Variants in SIK3 observed in about 807,000 individuals in gnomAD.
SIK3 encodes the protein SIK family kinase 3, also known as serine/threonine-protein kinase SIK3.
In SIK3, 28 loss-of-function variants were observed where a neutral mutation model predicts 144.2. That is an observed-to-expected ratio of 0.19 (90% CI 0.14 to 0.27). The LOEUF is 0.27. Among genes scored for constraint, SIK3 ranks in the 10% least tolerant of loss-of-function variants. SIK3 has a pLI of 1.00. For missense variants in SIK3, 1,319 were observed against 1,776.0 expected, an observed-to-expected ratio of 0.74 and a Z score of 4.62; for synonymous variants, 686 against 676.3, an observed-to-expected ratio of 1.01 and a Z score of -0.22.
chr11:117,033,359 C>T (rs1199415684), intron 1 of SIK3, among the ~76,000 whole-genome samples: 1 of 152,108 alleles, frequency 6.6e-6, no homozygotes, highest in African/African-American at 2.4e-5. Flanking sequence ...CAATAACTTA[C>T]ATGTTTGTTG....
intron 1 of SIK3, among the ~76,000 whole-genome samples, chr11:116,993,741 A>G (rs1180532331): frequency 6.6e-6 from 1 of 152,228 alleles, no homozygotes; most frequent in Non-Finnish European, 1.5e-5. Flanking sequence ...GTAAAGAATG[A>G]GCGGAAAAAT....
At chr11:116,926,055 C>T in intron 4 of SIK3, among the ~76,000 whole-genome samples, 1 of 152,108 alleles carries the variant, frequency 6.6e-6, no homozygotes. Flanking sequence ...GCAAAGGTAC[C>T]CTTAGGTAAC....
At chr11:116,985,008 C>T (rs998722032) in intron 1 of SIK3, among the ~76,000 whole-genome samples, 6 of 152,108 alleles carry the variant, frequency 3.9e-5, no homozygotes, top group African/African-American at 1.4e-4. Context: ...GAAAAGTTTT[C>T]TATGTGTGAA....
chr11:117,067,823 C>T (rs1488337705), intron 1 of SIK3, among the ~76,000 whole-genome samples: 1 of 151,788 alleles, frequency 6.6e-6, no homozygotes, highest in Non-Finnish European at 1.5e-5. Context: ...CCCATCTCTA[C>T]TAAAAATACA....
chr11:117,072,291 G>A (rs1396278184), intron 1 of SIK3, among the ~76,000 whole-genome samples: 2 of 152,100 alleles, frequency 1.3e-5, no homozygotes, highest in Non-Finnish European at 2.9e-5. Flanking sequence ...GCGAGGCTGA[G>A]GTAGGAGAAT....
At chr11:117,076,128 T>C (rs623638) in intron 1 of SIK3, among the ~76,000 whole-genome samples, 20 of 151,862 alleles carry the variant, frequency 1.3e-4, no homozygotes, top group Non-Finnish European at 2.5e-4. Flanking sequence ...GGATTACAGG[T>C]GTGAGCCACT....
intron 1 of SIK3, among the ~76,000 whole-genome samples, chr11:117,029,581 G>A (rs1952167947): frequency 6.6e-6 from 1 of 152,070 alleles, no homozygotes; most frequent in Admixed American, 6.6e-5. Context: ...AAAAATATGA[G>A]GGCCTAAATT....
chr11:116,889,295 G>T (rs1027336095), intron 6 of SIK3, among the ~76,000 whole-genome samples: 1 of 152,210 alleles, frequency 6.6e-6, no homozygotes. Flanking sequence ...TGCGTATGCT[G>T]GCTTCTGCCC....
chr11:117,020,381 CAA>C (rs1329502938), intron 1 of SIK3, among the ~76,000 whole-genome samples: 2 of 151,906 alleles, frequency 1.3e-5, no homozygotes, highest in African/African-American at 4.8e-5. Context: ...GTGATAAAAG[CAA>C]AAGACAGTCT....
At chr11:116,875,047 A>C in intron 11 of SIK3, 111 bp downstream of exon 11, 1 of 780,538 alleles carries the variant, frequency 1.3e-6, no homozygotes, top group Non-Finnish European at 2.2e-6. Flanking sequence ...CCACTGGATT[A>C]GATCTCCTCT....
At chr11:117,018,031 T>C (rs1038020828) in intron 1 of SIK3, among the ~76,000 whole-genome samples, 13 of 152,162 alleles carry the variant, frequency 8.5e-5, no homozygotes, top group African/African-American at 3.1e-4. Flanking sequence ...ACGATGTCCC[T>C]AAATTGGTAT....
intron 11 of SIK3, 38 bp from the exon 12 acceptor site, chr11:116,874,094 A>G (rs201442933): frequency 2.7e-5 from 44 of 1,609,328 alleles, no homozygotes; most frequent in Middle Eastern, 3.4e-4. Flanking sequence ...TTTAGTTAAC[A>G]TTCTTACTCA....
chr11:117,025,193 G>A (rs1354579619), intron 1 of SIK3, among the ~76,000 whole-genome samples: 2 of 151,878 alleles, frequency 1.3e-5, no homozygotes, highest in African/African-American at 4.8e-5. Flanking sequence ...CAAACCTGGA[G>A]GCCACTCAAA....
rs1421366326 is a variant in SIK3, at chr11:116,846,147, A to G, written c.*13+236T>C. On this transcript the variant is annotated intron_variant, in intron 24 of 24. Transcript: ENST00000445177. The surrounding 1 kb of genome is among the most constrained non-coding windows in gnomAD (Gnocchi z 4.1). Reference sequence around the variant, plus strand: ...ACGGCGAGTCTTGTGTCTTATTCCCATAACCGAACCAAGAGACTGTGTTTA... The same window carrying G: ...ACGGCGAGTCTTGTGTCTTATTCCCGTAACCGAACCAAGAGACTGTGTTTA... 6.6e-6 allele frequency among the ~76,000 whole-genome samples: 1 copy of G among 152,196 alleles called. No homozygotes were observed. The highest frequency in any genetic ancestry group is 1.5e-5 in the Non-Finnish European group (1 of 68,034).
At chr11:117,038,752 G>T (rs1034715211) in intron 1 of SIK3, among the ~76,000 whole-genome samples, 1 of 151,926 alleles carries the variant, frequency 6.6e-6, no homozygotes, top group Non-Finnish European at 1.5e-5. Context: ...AAGATTCTTC[G>T]AAATATCCCA....
chr11:116,952,622 T>G (rs1948983781), intron 3 of SIK3, among the ~76,000 whole-genome samples: 1 of 152,174 alleles, frequency 6.6e-6, no homozygotes, highest in Non-Finnish European at 1.5e-5. Context: ...CCAGGAAGAT[T>G]TCCCTGATCT....
rs549305028 is a variant in SIK3 at position 117,014,830 on chromosome 11, G to A, written c.274-57766C>T. Among the ~76,000 whole-genome samples, 9 of 152,278 alleles carry A rather than the reference G, an allele frequency of 5.9e-5. No individual in the cohort carries two copies. The South Asian group carries it at 6.2e-4, about 11-fold the overall frequency. On this transcript the variant is annotated intron_variant, in intron 1 of 24. Transcript: ENST00000445177. ...CTGGAATCTCTCACTTTAGGAGGCC[G>A]AGGCAGGTGAATGGCTTGAGCCTAG...
chr11:116,941,390 G>A (rs73006533), intron 3 of SIK3, among the ~76,000 whole-genome samples: 4,875 of 129,982 alleles, frequency 0.038, 115 homozygotes, highest in Non-Finnish European at 0.052. Context: ...AGGATGCTGC[G>A]GATTAAATAA....
intron 4 of SIK3, among the ~76,000 whole-genome samples, chr11:116,922,217 T>G (rs1400105075): frequency 6.6e-6 from 1 of 152,180 alleles, no homozygotes; most frequent in African/African-American, 2.4e-5. Context: ...AAATATCAAA[T>G]GTAGGCCAGG....
Sources: allele counts gnomAD v4.1 joint callset (sites outside exome capture counted in the v4.1 genomes callset), GRCh38; gene constraint gnomAD v4.1.1; non-coding constraint Gnocchi (gnomAD v3.1); transcripts MANE v1.5; gene names NCBI Gene and HGNC (gene_info 2026-07-23, HGNC 2026-07-21).